Variants in RAB28 observed in about 807,000 individuals in gnomAD.
The protein encoded by RAB28 is ras-related protein Rab-28.
In RAB28, 24 loss-of-function variants were observed where a neutral mutation model predicts 31.7. The ratio of observed to expected loss-of-function variants is 0.76; its 90% CI spans 0.55 to 1.06. The LOEUF (loss-of-function observed/expected upper bound fraction) is 1.06. Among genes scored for constraint, RAB28 ranks in the 50% least tolerant of loss-of-function variants. The pLI is 0.00. For synonymous variants in RAB28, 100 were observed against 90.4 expected, an observed-to-expected ratio of 1.11 and a Z score of -0.60; for missense variants, 254 against 258.5, an observed-to-expected ratio of 0.98 and a Z score of 0.12.
intron 4 of RAB28, among the ~76,000 whole-genome samples, chr4:13,443,956 C>T (rs1426064351): frequency 6.6e-6 from 1 of 151,464 alleles, no homozygotes; most frequent in Non-Finnish European, 1.5e-5. Flanking sequence ...CTGTGCCTGG[C>T]TTATTTTACT....
intron 5 of RAB28, among the ~76,000 whole-genome samples, chr4:13,381,287 C>T (rs376739939): frequency 6.6e-6 from 1 of 151,876 alleles, no homozygotes; most frequent in East Asian, 1.9e-4. Flanking sequence ...CATTTTAATT[C>T]CCCTTTTAAA....
intron 4 of RAB28, among the ~76,000 whole-genome samples, chr4:13,394,939 T>C (rs1012578265): frequency 2.6e-5 from 4 of 152,156 alleles, no homozygotes; most frequent in South Asian, 2.1e-4. Flanking sequence ...CCTTGGCGAA[T>C]AGGTAAGCAT....
intron 4 of RAB28, among the ~76,000 whole-genome samples, chr4:13,382,125 T>C (rs923895024): frequency 3.9e-5 from 6 of 152,236 alleles, no homozygotes; most frequent in South Asian, 2.1e-4. Context: ...TTTATAGCCA[T>C]ACTTTAATTT....
At chr4:13,465,502 G>A (rs915851083) in intron 3 of RAB28, among the ~76,000 whole-genome samples, 1 of 149,834 alleles carries the variant, frequency 6.7e-6, no homozygotes, top group African/African-American at 2.5e-5. Flanking sequence ...AAATTTTAAA[G>A]TACTGACAGA....
intron 4 of RAB28, among the ~76,000 whole-genome samples, chr4:13,392,257 G>T (rs1729671539): frequency 6.6e-6 from 1 of 152,094 alleles, no homozygotes; most frequent in Non-Finnish European, 1.5e-5. Context: ...GACAGATTTT[G>T]ATGAGTAACA....
chr4:13,418,565 T>G (rs544974437), intron 4 of RAB28, among the ~76,000 whole-genome samples: 177 of 152,244 alleles, frequency 1.2e-3, no homozygotes, highest in South Asian at 4.1e-3. Context: ...TGGCAGAAAC[T>G]CTACAAGCCA....
At position 13,415,302 on chromosome 4, in the gene RAB28, G is replaced by A. The variant is rs549432698; in HGVS notation, c.392-33708C>T. ...TCTCTGCCTGAGCTCCCACTTTGGC[G>A]GCACTTGAGGAAGTGCCCGCCGCTG... is the stretch of plus-strand genomic sequence containing the variant. On this transcript the variant is annotated intron_variant, in intron 4 of 6. Coordinates refer to ENST00000330852, the MANE Select transcript of RAB28 (RefSeq NM_001017979.3). Among the ~76,000 whole-genome samples, 313 of 152,266 alleles carry A rather than the reference G, an allele frequency of 2.1e-3. 3 individuals carry two copies. Among genetic ancestry groups the A allele is most frequent in the African/African-American group, 6.9e-3 (287 of 41,570 alleles).
Position 13,483,702 on chromosome 4 carries a change from A to G in RAB28, c.75+374T>C, listed in dbSNP as rs534675595. Among the ~76,000 whole-genome samples, 25 of 152,322 alleles carry G rather than the reference A, an allele frequency of 1.6e-4. No individual in the cohort carries two copies. The Middle Eastern group carries it at 0.01, about 62-fold the overall frequency. ...GAGCTCACGATGCAGTAGAAGCATC[A>G]GAAACGGTAAAGGGGGTGGGAGGGG... On this transcript the variant is annotated intron_variant, in intron 1 of 6. Coordinates refer to ENST00000330852, the MANE Select transcript of RAB28 (RefSeq NM_001017979.3).
At chr4:13,410,855 G>A (rs1712401978) in intron 4 of RAB28, among the ~76,000 whole-genome samples, 1 of 151,950 alleles carries the variant, frequency 6.6e-6, no homozygotes, top group Non-Finnish European at 1.5e-5. Context: ...GGTTAATTTA[G>A]GAGCCATAAA....
At chr4:13,428,521 T>A (rs1480272446) in intron 4 of RAB28, among the ~76,000 whole-genome samples, 2 of 152,216 alleles carry the variant, frequency 1.3e-5, no homozygotes, top group Non-Finnish European at 1.5e-5. Context: ...CAATAAGCAC[T>A]TTTTAAATGA....
At chr4:13,476,676 T>C (rs909979263) in intron 2 of RAB28, among the ~76,000 whole-genome samples, 1 of 151,506 alleles carries the variant, frequency 6.6e-6, no homozygotes, top group Non-Finnish European at 1.5e-5. Flanking sequence ...ATTCTCCTAG[T>C]ATATTTTCAA....
chr4:13,420,419 C>A (rs1263772710), intron 4 of RAB28, among the ~76,000 whole-genome samples: 1 of 152,158 alleles, frequency 6.6e-6, no homozygotes, highest in African/African-American at 2.4e-5. Flanking sequence ...ATGCCAGTAT[C>A]ATCCTGATAC....
chr4:13,434,347 T>C (rs544884131), intron 4 of RAB28, among the ~76,000 whole-genome samples: 1 of 152,294 alleles, frequency 6.6e-6, no homozygotes, highest in African/African-American at 2.4e-5. Flanking sequence ...GGGCATTACA[T>C]CATGATAAAG....
At chr4:13,408,257 C>G (rs1365076360) in intron 4 of RAB28, among the ~76,000 whole-genome samples, 3 of 152,168 alleles carry the variant, frequency 2.0e-5, no homozygotes, top group African/African-American at 4.8e-5. Flanking sequence ...TTTTCTGCAT[C>G]TATTGAGATA....
At position 13,381,538 on chromosome 4, in the gene RAB28, C is replaced by G; in HGVS notation, c.448G>C (p.Glu150Gln). Residue 150 changes from glutamate to glutamine, a missense_variant, in exon 5 of 7, where the codon GAA (glutamate) becomes CAA (glutamine). Physicochemically the swap from Glu to Gln is conservative, Grantham distance 29. Transcript: ENST00000330852. ...KPEKHLRFCQ[E>Q]NGFSSHFVSA... ...ACAAAGTGGCTACTAAAACCATTTT[C>G]CTGGCAAAACCGTAAGTGTTTTTCA... 6.2e-7 allele frequency: 1 copy of G among 1,613,258 alleles called. No individual in the cohort carries two copies. Among genetic ancestry groups the G allele is most frequent in the Non-Finnish European group, 8.5e-7 (1 of 1,179,480 alleles).
At chr4:13,379,638 T>C (rs1287477105) in intron 5 of RAB28, among the ~76,000 whole-genome samples, 1 of 152,060 alleles carries the variant, frequency 6.6e-6, no homozygotes, top group Admixed American at 6.6e-5. Context: ...AGGTGTGAAA[T>C]AGAAGATGGT....
chr4:13,367,786 A>C lies in RAB28; in HGVS notation c.*772T>G, dbSNP rs1728561117. The C allele has an allele frequency of 4.1e-6, 4 of 985,190 alleles. No individual in the cohort carries two copies. The South Asian group carries it at 1.9e-4, about 46-fold the overall frequency. The allele number at this position is 985,190 out of a possible 1,614,324, so 61.0% of individuals were successfully genotyped here. A position where few individuals can be genotyped will look rare whatever the true frequency, so the allele number is the denominator to read the frequency against. On this transcript the variant is annotated 3_prime_UTR_variant, in exon 7 of 7. Transcript: ENST00000330852. ...GAACATCAGGTACAGTCTGATCCAC[A>C]ATGTCATAACTCATTCTCGGGAGTA... is the stretch of plus-strand genomic sequence containing the variant.
At chr4:13,436,493 G>A (rs748759984) in intron 4 of RAB28, among the ~76,000 whole-genome samples, 27 of 152,104 alleles carry the variant, frequency 1.8e-4, no homozygotes, top group Non-Finnish European at 3.5e-4. Flanking sequence ...GACCCAATAA[G>A]TGACTTCAGT....
chr4:13,433,951 T>C (rs1713956754), intron 4 of RAB28, among the ~76,000 whole-genome samples: 1 of 152,102 alleles, frequency 6.6e-6, no homozygotes, highest in Non-Finnish European at 1.5e-5. Flanking sequence ...GAAAATGTGG[T>C]ATATATACAC....
Sources: gnomAD v4.1 joint callset for allele counts (sites outside exome capture counted in the v4.1 genomes callset) on GRCh38, gnomAD v4.1.1 for gene constraint, MANE v1.5 for transcripts, NCBI Gene and HGNC (gene_info 2026-07-23, HGNC 2026-07-21) for gene names.